Variants in TASP1 observed in about 807,000 individuals in gnomAD.
TASP1 encodes the protein threonine aspartase 1.
In TASP1, 16 loss-of-function variants were observed where a neutral mutation model predicts 56.6. The ratio of observed to expected loss-of-function variants is 0.28; its 90% CI spans 0.19 to 0.43. The LOEUF is 0.43. TASP1 is among the 20% of genes least tolerant of loss of function. TASP1 has a pLI of 1.00. For missense variants in TASP1, 393 were observed against 511.6 expected (o/e 0.77, Z 2.24); for synonymous variants, 179 against 184.2 (o/e 0.97, Z 0.23).
chr20:13,201,442 T>G, the TASP1 span, among the ~76,000 whole-genome samples: 12 of 152,162 alleles, frequency 7.9e-5, no homozygotes, highest in African/African-American at 2.9e-4. Flanking sequence ...ATGATGGCAC[T>G]TAATTTGCTG....
the TASP1 span, among the ~76,000 whole-genome samples, chr20:13,153,140 T>C: frequency 6.6e-6 from 1 of 152,238 alleles, no homozygotes; most frequent in Non-Finnish European, 1.5e-5. Flanking sequence ...TTCATTCTTA[T>C]TGAGCAAACA....
At chr20:13,281,385 T>C in the TASP1 span, among the ~76,000 whole-genome samples, 1 of 152,190 alleles carries the variant, frequency 6.6e-6, no homozygotes, top group African/African-American at 2.4e-5. Context: ...AGTCAAGTTA[T>C]CTGCTTTCCA....
At chr20:13,228,618 T>C in the TASP1 span, among the ~76,000 whole-genome samples, 2 of 152,218 alleles carry the variant, frequency 1.3e-5, no homozygotes, top group African/African-American at 4.8e-5. Flanking sequence ...AGGTTGTGTT[T>C]AGATTCAGGG....
intron 10 of TASP1, among the ~76,000 whole-genome samples, chr20:13,507,343 G>A (rs2044169832): frequency 6.6e-6 from 1 of 152,026 alleles, no homozygotes; most frequent in Non-Finnish European, 1.5e-5. Context: ...GACCAGCCTG[G>A]CAACATAGCC....
At chr20:13,497,081 T>C (rs2043759812) in intron 10 of TASP1, among the ~76,000 whole-genome samples, 1 of 152,184 alleles carries the variant, frequency 6.6e-6, no homozygotes, top group Non-Finnish European at 1.5e-5. Context: ...GCTGAATCCA[T>C]TCATCAATTC....
chr20:13,360,279 C>T, the TASP1 span, among the ~76,000 whole-genome samples: 1 of 149,990 alleles, frequency 6.7e-6, no homozygotes, highest in South Asian at 2.1e-4. Context: ...TGACACCCAT[C>T]AAGCTCAGCA....
chr20:13,637,748 G>C (rs1403074676), intron 1 of TASP1, among the ~76,000 whole-genome samples: 2 of 152,184 alleles, frequency 1.3e-5, no homozygotes, highest in Non-Finnish European at 2.9e-5. Context: ...GAATCTAATG[G>C]GGAGTGACTG....
chr20:13,279,824 T>C, the TASP1 span: 29 of 1,613,836 alleles, frequency 1.8e-5, no homozygotes, highest in Non-Finnish European at 2.4e-5. Context: ...AGCAACTTCC[T>C]CAACCCCCCC....
intron 13 of TASP1, among the ~76,000 whole-genome samples, chr20:13,398,114 C>T (rs1460345510): frequency 1.3e-5 from 2 of 152,162 alleles, no homozygotes; most frequent in Non-Finnish European, 2.9e-5. Flanking sequence ...CTTAAACTAT[C>T]ATTAAGAATG....
At chr20:13,386,176 T>C (rs1005132314), downstream of TASP1, among the ~76,000 whole-genome samples, 3 of 152,230 alleles carry the variant, frequency 2.0e-5, no homozygotes, top group African/African-American at 7.2e-5. Flanking sequence ...TGAGCCAGCA[T>C]TGTATGGGAA....
intron 8 of TASP1, among the ~76,000 whole-genome samples, chr20:13,543,834 T>C (rs953810420): frequency 2.0e-5 from 3 of 152,212 alleles, no homozygotes; most frequent in East Asian, 1.9e-4. Flanking sequence ...TGAAACTGCA[T>C]CTTGCTCAAT....
intron 11 of TASP1, among the ~76,000 whole-genome samples, chr20:13,455,843 G>C (rs2043812649): frequency 6.6e-6 from 1 of 152,036 alleles, no homozygotes; most frequent in Admixed American, 6.6e-5. Context: ...GATTTACATG[G>C]GGCATTGCCC....
At chr20:13,117,422 T>G in the TASP1 span, 1 of 1,265,292 alleles carries the variant, frequency 7.9e-7, no homozygotes, top group Non-Finnish European at 1.1e-6. Context: ...CAGGGAAGAC[T>G]GTCTAGGATG....
the TASP1 span, among the ~76,000 whole-genome samples, chr20:13,131,289 G>T: frequency 1.3e-5 from 2 of 152,176 alleles, no homozygotes; most frequent in African/African-American, 4.8e-5. Context: ...TCTCAGAGAA[G>T]ATAGAGTTTG....
chr20:13,196,965 TG>T, the TASP1 span, among the ~76,000 whole-genome samples: 11 of 152,210 alleles, frequency 7.2e-5, no homozygotes, highest in Non-Finnish European at 1.0e-4. Flanking sequence ...AAGTTTACTC[TG>T]GCATATAGTA....
the TASP1 span, chr20:13,299,728 G>A: frequency 2.8e-6 from 1 of 361,196 alleles, no homozygotes; most frequent in Non-Finnish European, 5.0e-6. The surrounding 1 kb of genome is among the most constrained non-coding windows in gnomAD (Gnocchi z 5.8). Flanking sequence ...GAAGCCAGAA[G>A]AAGAACCTGG....
At chr20:13,179,897 A>G in the TASP1 span, among the ~76,000 whole-genome samples, 1 of 152,128 alleles carries the variant, frequency 6.6e-6, no homozygotes, top group Admixed American at 6.6e-5. Flanking sequence ...TGTAGGATGA[A>G]TCTGTTGATT....
At chr20:13,172,381 A>G in the TASP1 span, among the ~76,000 whole-genome samples, 2 of 152,162 alleles carry the variant, frequency 1.3e-5, no homozygotes, top group Non-Finnish European at 2.9e-5. Context: ...CAATTTTCAC[A>G]TCTGTTAACA....
the TASP1 span, among the ~76,000 whole-genome samples, chr20:13,300,856 A>C: frequency 0.17 from 25,357 of 148,726 alleles, 2,376 homozygotes; most frequent in Admixed American, 0.24. Flanking sequence ...CCATTGACAC[A>C]TGTGTGACTT....
Sources: allele counts gnomAD v4.1 joint callset (sites outside exome capture counted in the v4.1 genomes callset), GRCh38; gene constraint gnomAD v4.1.1; non-coding constraint Gnocchi (gnomAD v3.1); transcripts MANE v1.5; gene names NCBI Gene and HGNC (gene_info 2026-07-23, HGNC 2026-07-21).